The following COL4A3 variants were observed in gnomAD, a reference collection of about 807,000 sequenced individuals.
COL4A3 encodes collagen alpha-3(IV) chain.
COL4A3 carries 135 observed loss-of-function variants against 217.4 expected under a neutral mutation model. The observed-to-expected ratio is 0.62, with a 90% CI of 0.54 to 0.72. COL4A3 has a LOEUF of 0.72. Ranked by LOEUF, COL4A3 falls within the 30% of genes least tolerant of loss-of-function variation. The pLI is 0.00. For missense variants in COL4A3, 1,868 were observed against 2,119.9 expected (o/e 0.88, Z 2.33); for synonymous variants, 690 against 736.3 (o/e 0.94, Z 1.02).
chr2:227,287,277 C>T (rs1343445303), intron 34 of COL4A3, among the ~76,000 whole-genome samples: 1 of 151,294 alleles, frequency 6.6e-6, no homozygotes, highest in African/African-American at 2.4e-5. Context: ...ACTAAAAATA[C>T]AAAAATTAGC....
chr2:227,199,895 A>G (rs2066619092), intron 1 of COL4A3, among the ~76,000 whole-genome samples: 1 of 152,244 alleles, frequency 6.6e-6, no homozygotes. Flanking sequence ...GTTAATAGGA[A>G]GGCTGCAGCA....
intron 11 of COL4A3, among the ~76,000 whole-genome samples, chr2:227,251,967 G>C (rs918391283): frequency 6.6e-6 from 1 of 150,442 alleles, no homozygotes. Flanking sequence ...TACTCAGGGG[G>C]CTGAGGCAGG....
chr2:227,181,225 T>C (rs1347852118), intron 1 of COL4A3, among the ~76,000 whole-genome samples: 1 of 152,246 alleles, frequency 6.6e-6, no homozygotes, highest in African/African-American at 2.4e-5. Flanking sequence ...CTTTGACATG[T>C]ATCTAAAAGA....
At chr2:227,195,286 A>C (rs11450840) in intron 1 of COL4A3, among the ~76,000 whole-genome samples, 3 of 9,482 alleles carry the variant, frequency 3.2e-4, no homozygotes, top group South Asian at 4.5e-3. Context: ...CAAATCCTGA[A>C]AAAAAAATCT....
At position 227,310,800 on chromosome 2, in the gene COL4A3, A is replaced by G; in HGVS notation, c.4780A>G (p.Thr1594Ala). Residue 1594 changes from threonine to alanine, a missense_variant, in exon 51 of 52, where the codon ACC becomes GCC. Thr to Ala is a moderately conservative substitution (Grantham distance 58, BLOSUM62 0). Transcript: ENST00000396578. ...IMFTSAGSEG[T>A]GQALASPGSC... ...GTTCACAAGTGCAGGTTCTGAGGGC[A>G]CCGGGCAAGCACTGGCCTCCCCTGG... is the stretch of plus-strand genomic sequence containing the variant. 2 of 1,614,158 alleles carry G rather than the reference A, an allele frequency of 1.2e-6. 1 individual carries two copies. Among genetic ancestry groups the G allele is most frequent in the South Asian group, 2.2e-5 (2 of 91,084 alleles).
In COL4A3 at chr2:227,276,404, T is replaced by C. The variant is rs770330826; in HGVS notation, c.1947T>C (p.Ser649=). 1.9e-6 allele frequency: 3 copies of C among 1,614,158 alleles called. No individual in the cohort carries two copies. Among genetic ancestry groups the C allele is most frequent in the Non-Finnish European group, 2.5e-6 (3 of 1,180,000 alleles). The change falls in exon 27 of 52, where the codon AGT becomes AGC. Residue 649 remains serine (S), a synonymous_variant. Coordinates refer to ENST00000396578, the MANE Select transcript of COL4A3 (RefSeq NM_000091.5). The part of the protein sequence containing the change: ...PGEAGPRGEL[S]VSTPVPGPPG... ...CTTAAGGCCCTAGGGGAGAGCTCAGTGTTTCAACACCAGTTCCAGGCCCAC... is the reference window on the plus strand; with the variant it reads ...CTTAAGGCCCTAGGGGAGAGCTCAGCGTTTCAACACCAGTTCCAGGCCCAC...
chr2:227,257,785 T>C (rs1288836216), intron 18 of COL4A3, 141 bp downstream of exon 18: 2 of 800,812 alleles, frequency 2.5e-6, no homozygotes, highest in African/African-American at 1.7e-5. Context: ...GGGCAGAAAA[T>C]AGCTGGTCAC....
chr2:227,275,074 T>C (rs2071476251), intron 26 of COL4A3, among the ~76,000 whole-genome samples: 1 of 152,214 alleles, frequency 6.6e-6, no homozygotes, highest in African/African-American at 2.4e-5. Flanking sequence ...ATTGAGTAGT[T>C]GGGTAGATTT....
At position 227,270,864 on chromosome 2, in the gene COL4A3, G is replaced by A; in HGVS notation, c.1670G>A (p.Gly557Glu). 6.2e-7 allele frequency: 1 copy of A among 1,614,174 alleles called. No individual in the cohort carries two copies. Among genetic ancestry groups the A allele is most frequent in the Non-Finnish European group, 8.5e-7 (1 of 1,180,028 alleles). The change falls in exon 25 of 52, where the codon GGG (glycine) becomes GAG (glutamate). Residue 557 changes from glycine (G) to glutamate (E), a missense_variant. Gly to Glu is a moderately conservative substitution (Grantham distance 98). Around this residue, in one of 2 missense-constraint regions of COL4A3, gnomAD observed 1,503 missense variants for 1,786.1 expected, o/e 0.84. Transcript: ENST00000396578. ...CAAGTGGGTGTCCCAGGTGACCCGGGGCTCAGAGGCCAACCTGGGAGAAAG... is the reference window on the plus strand; with the variant it reads ...CAAGTGGGTGTCCCAGGTGACCCGGAGCTCAGAGGCCAACCTGGGAGAAAG... Reference protein sequence around the residue: ...EGQVGVPGDPGLRGQPGRKGL... With the variant: ...EGQVGVPGDPELRGQPGRKGL...
chr2:227,309,480 T>C (rs938127346), intron 50 of COL4A3, among the ~76,000 whole-genome samples, 162 bp downstream of exon 50: 5 of 152,202 alleles, frequency 3.3e-5, no homozygotes, highest in East Asian at 1.9e-4. Flanking sequence ...TTTTTTTTTT[T>C]ACTTTTGGTA....
At chr2:227,168,065 T>C (rs2065341623) in intron 1 of COL4A3, among the ~76,000 whole-genome samples, 1 of 152,260 alleles carries the variant, frequency 6.6e-6, no homozygotes, top group African/African-American at 2.4e-5. Flanking sequence ...GATGTATTTG[T>C]AGTAATAGCT....
At chr2:227,210,855 ATATAT>A (rs2067291050) in intron 1 of COL4A3, among the ~76,000 whole-genome samples, 2 of 103,460 alleles carry the variant, frequency 1.9e-5, no homozygotes. Flanking sequence ...ATATATATAC[ATATAT>A]TAGTTTCACC....
rs981898529 is a variant in COL4A3, at chr2:227,307,626, T to A, written c.4253-84T>A. The A allele has an allele frequency of 1.2e-5, 13 of 1,120,682 alleles. No individual in the cohort carries two copies. The African/African-American group carries it at 2.0e-4, about 17-fold the overall frequency. 69.4% of individuals were successfully genotyped at this position (1,120,682 alleles called of 1,614,324 possible). On this transcript the variant is annotated intron_variant, in intron 47 of 51. Transcript: ENST00000396578. ...TTTCAATTTATGGGCTCAACATATATAAAATATATTTAAATTAGTACTTTG... is the reference window on the plus strand; with the variant it reads ...TTTCAATTTATGGGCTCAACATATAAAAAATATATTTAAATTAGTACTTTG...
intron 1 of COL4A3, among the ~76,000 whole-genome samples, chr2:227,202,864 TATATGTGTATATATAC>T (rs1281749695): frequency 2.2e-5 from 1 of 44,586 alleles, no homozygotes; most frequent in African/African-American, 1.2e-4. Context: ...TATATATACA[TATATGTGTATATATAC>T]ATATGTGTAT....
At chr2:227,213,928 AAAAG>A (rs1300171204) in intron 1 of COL4A3, among the ~76,000 whole-genome samples, 2 of 151,814 alleles carry the variant, frequency 1.3e-5, no homozygotes, top group Non-Finnish European at 1.5e-5. Context: ...AAGAAAAAGA[AAAAG>A]AAAAAACACC....
chr2:227,287,297 G>C (rs1025079648), intron 34 of COL4A3, among the ~76,000 whole-genome samples: 33 of 152,132 alleles, frequency 2.2e-4, no homozygotes, highest in African/African-American at 7.7e-4. Context: ...CGGGCGTGGT[G>C]GCACACGCCT....
chr2:227,271,315 T>C (rs1167276271), intron 25 of COL4A3, among the ~76,000 whole-genome samples: 2 of 152,134 alleles, frequency 1.3e-5, no homozygotes, highest in East Asian at 3.9e-4. Context: ...TAAATAAAAA[T>C]AAATGCATAA....
chr2:227,240,327 C>T (rs2068949853), intron 3 of COL4A3, 95 bp downstream of exon 3: 1 of 1,166,820 alleles, frequency 8.6e-7, no homozygotes, highest in Non-Finnish European at 1.3e-6. Flanking sequence ...AATTCCACAT[C>T]TTAGCCAACT....
intron 3 of COL4A3, among the ~76,000 whole-genome samples, chr2:227,241,124 A>C (rs1178030357): frequency 6.6e-6 from 1 of 152,138 alleles, no homozygotes; most frequent in African/African-American, 2.4e-5. Context: ...CTTATCCTAA[A>C]GTCTGTGATA....
Sources: allele counts gnomAD v4.1 joint callset (sites outside exome capture counted in the v4.1 genomes callset), GRCh38; gene constraint gnomAD v4.1.1; regional missense constraint gnomAD v4.1.1; transcripts MANE v1.5; gene names NCBI Gene and HGNC (gene_info 2026-07-23, HGNC 2026-07-21).